The following GPC6 variants were observed in gnomAD, a reference collection of about 807,000 sequenced individuals.
GPC6 encodes glypican 6, also known as glypican-6.
In GPC6, 14 loss-of-function variants were observed where a neutral mutation model predicts 55.2. The observed-to-expected ratio is 0.25, with a 90% CI of 0.17 to 0.40. GPC6 has a LOEUF of 0.40. Ranked by LOEUF, GPC6 falls within the 10% of genes least tolerant of loss-of-function variation. GPC6 has a pLI of 1.00. For synonymous variants in GPC6, 278 were observed against 259.6 expected (o/e 1.07, Z -0.68); for missense variants, 641 against 708.5 (o/e 0.90, Z 1.08).
chr13:93,426,158 T>C (rs989655879), intron 1 of GPC6, among the ~76,000 whole-genome samples: 5 of 152,202 alleles, frequency 3.3e-5, no homozygotes, highest in African/African-American at 1.2e-4. Context: ...ATGAAAATTA[T>C]TGTAACAGAA....
At chr13:93,657,782 A>T (rs1023763201) in intron 2 of GPC6, among the ~76,000 whole-genome samples, 1 of 152,086 alleles carries the variant, frequency 6.6e-6, no homozygotes, top group African/African-American at 2.4e-5. Context: ...CCATTAAAAA[A>T]ATGGGCAAAG....
At chr13:93,639,621 C>T (rs1487581912) in intron 2 of GPC6, among the ~76,000 whole-genome samples, 1 of 152,096 alleles carries the variant, frequency 6.6e-6, no homozygotes, top group Non-Finnish European at 1.5e-5. Flanking sequence ...TCAGATTCTA[C>T]ACATATCTGG....
rs115485237 is a variant in GPC6, at chr13:93,700,125, G to A, written c.320-130029G>A. Reference sequence around the variant, plus strand: ...ATTAAGTCCAAGAAAAAAATGTGGCGCACAGTTATGAAAACAAAGCTGTCC... The same window carrying A: ...ATTAAGTCCAAGAAAAAAATGTGGCACACAGTTATGAAAACAAAGCTGTCC... On this transcript the variant is annotated intron_variant, in intron 2 of 8. Transcript: ENST00000377047. Among the ~76,000 whole-genome samples, 529 of 152,076 alleles carry A rather than the reference G, an allele frequency of 3.5e-3. 2 individuals carry two copies. Among genetic ancestry groups the A allele is most frequent in the South Asian group, 0.013 (63 of 4,808 alleles).
chr13:94,259,206 A>G (rs867236538), intron 4 of GPC6, among the ~76,000 whole-genome samples: 1 of 152,302 alleles, frequency 6.6e-6, no homozygotes, highest in South Asian at 2.1e-4. Flanking sequence ...AGAAGCCCCG[A>G]GCAAACATTA....
intron 2 of GPC6, among the ~76,000 whole-genome samples, chr13:93,676,233 G>GTA (rs1423359416): frequency 2.9e-5 from 4 of 136,560 alleles, no homozygotes; most frequent in Non-Finnish European, 6.1e-5. Flanking sequence ...ACATGTATAT[G>GTA]TATATATATA....
At chr13:94,331,175 A>T (rs1016352216) in intron 6 of GPC6, among the ~76,000 whole-genome samples, 4 of 152,194 alleles carry the variant, frequency 2.6e-5, no homozygotes. Flanking sequence ...TGCAGCAATC[A>T]GCAAACTATG....
intron 1 of GPC6, among the ~76,000 whole-genome samples, chr13:93,496,263 T>C (rs1164686838): frequency 6.6e-6 from 1 of 152,166 alleles, no homozygotes; most frequent in Non-Finnish European, 1.5e-5. Context: ...AAGCACAATA[T>C]TCGGGTGGGA....
rs542598088 is a variant in GPC6 at position 93,796,499 on chromosome 13, T to G, written c.320-33655T>G. Among the ~76,000 whole-genome samples, 363 of 152,290 alleles carry G rather than the reference T, an allele frequency of 2.4e-3. 3 individuals carry two copies. Among genetic ancestry groups the G allele is most frequent in the Non-Finnish European group, 4.2e-3 (283 of 68,024 alleles). ...TGAGCATTTTGATAGAAAACACTAT[T>G]AATGAAGTTTTTTGAAAAAAATGAC... On this transcript the variant is annotated intron_variant, in intron 2 of 8. Transcript: ENST00000377047.
At chr13:93,354,586 G>T (rs1293502075) in intron 1 of GPC6, among the ~76,000 whole-genome samples, 1 of 148,014 alleles carries the variant, frequency 6.8e-6, no homozygotes, top group East Asian at 2.0e-4. Flanking sequence ...GGATGGTCTC[G>T]ATCTCCTGAC....
chr13:93,744,657 C>T (rs940989977), intron 2 of GPC6, among the ~76,000 whole-genome samples: 4 of 148,756 alleles, frequency 2.7e-5, no homozygotes, highest in Admixed American at 6.8e-5. Context: ...ATATATCTCT[C>T]GGCCAGGCGT....
At chr13:93,505,208 A>G (rs1219443295) in intron 1 of GPC6, among the ~76,000 whole-genome samples, 1 of 152,182 alleles carries the variant, frequency 6.6e-6, no homozygotes, top group Non-Finnish European at 1.5e-5. Context: ...GGGGCCTAAG[A>G]GAAGCCCTTG....
chr13:94,356,255 G>A (rs754352426), intron 6 of GPC6, among the ~76,000 whole-genome samples: 19 of 152,180 alleles, frequency 1.2e-4, no homozygotes, highest in South Asian at 2.1e-4. Context: ...ATGAACATAC[G>A]CGTGCATGTG....
chr13:93,993,984 A>G (rs1437243271), intron 3 of GPC6, among the ~76,000 whole-genome samples: 1 of 152,214 alleles, frequency 6.6e-6, no homozygotes, highest in Non-Finnish European at 1.5e-5. Flanking sequence ...CAGATATCAA[A>G]TGATGTGTTC....
At chr13:94,277,645 A>T (rs1892255131) in intron 4 of GPC6, among the ~76,000 whole-genome samples, 1 of 152,196 alleles carries the variant, frequency 6.6e-6, no homozygotes, top group Non-Finnish European at 1.5e-5. Flanking sequence ...AGTTTTCTGC[A>T]TGTGGCTAGC....
chr13:93,326,475 C>G (rs914995892), intron 1 of GPC6, among the ~76,000 whole-genome samples: 1 of 152,040 alleles, frequency 6.6e-6, no homozygotes, highest in South Asian at 2.1e-4. Context: ...CACACGTGTA[C>G]GCAGTTCAAG....
intron 1 of GPC6, among the ~76,000 whole-genome samples, chr13:93,231,380 C>CATATATATATATGTATATATATATATAT (rs1876029833): frequency 3.2e-5 from 1 of 30,938 alleles, no homozygotes; most frequent in Non-Finnish European, 6.0e-5. Flanking sequence ...TATATATATA[C>CATATATATATATGTATATATATATATAT]ATATATATAT....
chr13:93,216,592 G>C, the GPC6 span, among the ~76,000 whole-genome samples: 1 of 152,100 alleles, frequency 6.6e-6, no homozygotes, highest in Non-Finnish European at 1.5e-5. Context: ...CTAGGATACA[G>C]TGTAGACTAG....
intron 1 of GPC6, among the ~76,000 whole-genome samples, chr13:93,496,841 C>T (rs75308949): frequency 0.03 from 4,547 of 152,248 alleles, 249 homozygotes; most frequent in African/African-American, 0.1. Context: ...ATGTGCCTGA[C>T]ACAGAGGACT....
chr13:93,840,329 A>G (rs1887903815), intron 3 of GPC6, among the ~76,000 whole-genome samples: 1 of 152,114 alleles, frequency 6.6e-6, no homozygotes, highest in Admixed American at 6.6e-5. Flanking sequence ...TTACGCACAT[A>G]AACTAGAAAA....
Sources: gnomAD v4.1 joint callset for allele counts (sites outside exome capture counted in the v4.1 genomes callset) on GRCh38, gnomAD v4.1.1 for gene constraint, MANE v1.5 for transcripts, NCBI Gene and HGNC (gene_info 2026-07-23, HGNC 2026-07-21) for gene names.